CLMN: variants seen among roughly 807,000 people sequenced by gnomAD.
The protein encoded by CLMN is calmin (calponin-like, transmembrane).
A neutral mutation model predicts 92.7 loss-of-function variants in CLMN; 57 were observed. That is an observed-to-expected ratio of 0.61 (90% CI 0.50 to 0.77). The LOEUF is 0.77. Ranked by LOEUF, CLMN falls within the 30% of genes least tolerant of loss-of-function variation. The probability of loss-of-function intolerance (pLI) is 0.00; values close to 1 mark genes in which losing one functional copy is unlikely to be tolerated. For missense variants in CLMN, 1,158 were observed against 1,237.5 expected (o/e 0.94, Z 0.96); for synonymous variants, 466 against 470.6 (o/e 0.99, Z 0.13).
chr14:95,252,000 A>C (rs1308959639), intron 1 of CLMN, among the ~76,000 whole-genome samples: 1 of 152,124 alleles, frequency 6.6e-6, no homozygotes, highest in African/African-American at 2.4e-5. Context: ...CTTGATTGAA[A>C]AATAACTTCC....
At chr14:95,209,282 C>T (rs1211059061) in intron 8 of CLMN, 113 bp downstream of exon 8, 8 of 903,580 alleles carry the variant, frequency 8.9e-6, no homozygotes, top group East Asian at 2.5e-5. Context: ...GAGCAACTGG[C>T]GATTTTGACT....
chr14:95,275,891 G>A (rs1434805405), intron 1 of CLMN, among the ~76,000 whole-genome samples: 2 of 151,876 alleles, frequency 1.3e-5, no homozygotes, highest in African/African-American at 2.4e-5. Context: ...TCGAGCACCT[G>A]AGCTCAAGTG....
chr14:95,245,220 ATATATTATATATATATAT>A lies in CLMN; in HGVS notation c.83-15105_83-15088del, dbSNP rs1566891065. Among the ~76,000 whole-genome samples, 90 of 30,312 alleles carry A rather than the reference ATATATTATATATATATAT, an allele frequency of 3.0e-3. 7 individuals are homozygous for A. The highest frequency in any genetic ancestry group is 8.5e-3 in the African/African-American group (40 of 4,694). 19.9% of individuals were successfully genotyped at this position (30,312 alleles called of 152,430 possible). On this transcript the variant is annotated intron_variant, in intron 1 of 12. Transcript: ENST00000298912. ...ATATATATATATATTATATATATATATATATTATATATATATATTATATATATATATATAATATATATA... is the reference window on the plus strand; with the variant it reads ...ATATATATATATATTATATATATATATATATATATATATATAATATATATA...
Position 95,240,288 on chromosome 14 carries a change from T to A in CLMN, c.83-10155A>T, listed in dbSNP as rs550311627. Among the ~76,000 whole-genome samples, 13 of 152,302 alleles carry A rather than the reference T, an allele frequency of 8.5e-5. No homozygotes were observed. In the South Asian group the frequency reaches 2.7e-3, roughly 32 times the overall value. On this transcript the variant is annotated intron_variant, in intron 1 of 12. Coordinates refer to ENST00000298912, the MANE Select transcript of CLMN (RefSeq NM_024734.4). ...GTGCTTACCAAACCCTACTTCCTTC[T>A]CCTTTCTGGCACACAGCGGTGCTAC...
chr14:95,202,766 C>T lies in CLMN; in HGVS notation c.2511+72G>A, dbSNP rs556297593. 14 of 1,437,036 alleles carry T rather than the reference C, an allele frequency of 9.7e-6. No individual in the cohort carries two copies. The East Asian group carries it at 3.3e-4, about 34-fold the overall frequency. 89.0% of individuals were successfully genotyped at this position (1,437,036 alleles called of 1,614,324 possible). A position where few individuals can be genotyped will look rare whatever the true frequency, so the allele number is the denominator to read the frequency against. ...CATCGCTATTTTATGGAGCAAGAAG[C>T]TGAGCTTCAGACAAAGAACTATCAA... On this transcript the variant is annotated intron_variant, in intron 9 of 12. Coordinates refer to ENST00000298912, the MANE Select transcript of CLMN (RefSeq NM_024734.4).
chr14:95,221,722 G>C lies in CLMN; in HGVS notation c.293C>G (p.Ala98Gly). ...ATCTTCCAAAAACTTAAGTGCTTTC[G>C]CTATGTTGTTCAACCGAAAAATACG... ...SHRIFRLNNI[A>G]KALKFLEDSN... is the part of the protein sequence containing the mutation. The change falls in exon 4 of 13, where the codon GCG becomes GGG. Residue 98 changes from alanine to glycine, a missense_variant. Ala to Gly is a moderately conservative substitution (Grantham distance 60). Coordinates refer to ENST00000298912, the MANE Select transcript of CLMN (RefSeq NM_024734.4). 1 of 1,614,062 alleles carries C rather than the reference G, an allele frequency of 6.2e-7. No homozygotes were observed. Among genetic ancestry groups the C allele is most frequent in the Non-Finnish European group, 8.5e-7 (1 of 1,179,968 alleles).
chr14:95,312,264 C>T (rs1014909483), intron 1 of CLMN, among the ~76,000 whole-genome samples: 3 of 152,164 alleles, frequency 2.0e-5, no homozygotes, highest in Non-Finnish European at 4.4e-5. Context: ...CATTCACCCA[C>T]CCCTCCATCC....
In CLMN at chr14:95,203,169, A is replaced by G. The variant is rs1299503827; in HGVS notation, c.2180T>C (p.Phe727Ser). Residue 727 changes from phenylalanine to serine, a missense_variant, in exon 9 of 13, where the codon TTC becomes TCC. Transcript: ENST00000298912. ...SKVSVIPHDL[F>S]YFPHYEVPLA... Reference sequence around the variant, plus strand: ...GGGAACCTCATAGTGTGGGAAATAGAAGAGGTCGTGGGGAATGACGGAAAC... The same window carrying G: ...GGGAACCTCATAGTGTGGGAAATAGGAGAGGTCGTGGGGAATGACGGAAAC... 1.2e-6 allele frequency: 2 copies of G among 1,612,706 alleles called. No homozygotes were observed. Among genetic ancestry groups the G allele is most frequent in the African/African-American group, 2.7e-5 (2 of 74,904 alleles).
At chr14:95,269,129 A>G (rs981199841) in intron 1 of CLMN, among the ~76,000 whole-genome samples, 1 of 152,164 alleles carries the variant, frequency 6.6e-6, no homozygotes, top group Non-Finnish European at 1.5e-5. Context: ...TAAATCAACA[A>G]TAATCTCAAA....
Position 95,193,852 on chromosome 14 carries a change from G to A in CLMN, c.2837C>T (p.Thr946Ile), listed in dbSNP as rs1352227383. Residue 946 changes from threonine (T) to isoleucine (I), a missense_variant, in exon 12 of 13, where the codon ACC becomes ATC. Physicochemically the swap from Thr to Ile is moderately conservative, Grantham distance 89 (BLOSUM62 -1). Transcript: ENST00000298912. ...DLDDRRNRIL[T>I]RKANSSGEAM... is the part of the protein sequence containing the mutation. ...AACCTGAAGTAAAGCCACCAACCTG[G>A]TTAATATTCGGTTTCTTCTGTCATC... 1 of 1,613,790 alleles carries A rather than the reference G, an allele frequency of 6.2e-7. No homozygotes were observed. The highest frequency in any genetic ancestry group is 1.1e-5 in the South Asian group (1 of 90,994).
At chr14:95,248,589 T>C (rs1898662942) in intron 1 of CLMN, among the ~76,000 whole-genome samples, 1 of 152,230 alleles carries the variant, frequency 6.6e-6, no homozygotes, top group African/African-American at 2.4e-5. Flanking sequence ...TTAGCAGAAG[T>C]ATTCCAAGTC....
In CLMN at chr14:95,259,245, C is replaced by A. The variant is rs1051270332; in HGVS notation, c.83-29112G>T. On this transcript the variant is annotated intron_variant, in intron 1 of 12. Coordinates refer to ENST00000298912, the MANE Select transcript of CLMN (RefSeq NM_024734.4). This position sits in a 1 kb window ranked among gnomAD's most constrained non-coding sequence, Gnocchi z 4.3. The stretch of plus-strand genomic sequence containing the variant: ...GGCCTCCTAGTGTCAGAGGTATAGA[C>A]AACCACTGCTCTTCCCCAATGTCAG... Among the ~76,000 whole-genome samples the A allele has an allele frequency of 1.3e-5, 2 of 152,012 alleles. No homozygotes were observed. The highest frequency in any genetic ancestry group is 4.1e-4 in the South Asian group (2 of 4,832).
At chr14:95,239,661 A>G (rs140961037) in intron 1 of CLMN, among the ~76,000 whole-genome samples, 2 of 152,332 alleles carry the variant, frequency 1.3e-5, no homozygotes, top group African/African-American at 4.8e-5. Context: ...TTTGGAACAT[A>G]TTACACAGTC....
intron 1 of CLMN, among the ~76,000 whole-genome samples, chr14:95,237,801 T>C (rs938489683): frequency 6.6e-6 from 1 of 152,198 alleles, no homozygotes; most frequent in Non-Finnish European, 1.5e-5. Context: ...CGAGATGCTT[T>C]ACATGCACTT....
rs1242710354 is a variant in CLMN at position 95,184,205 on chromosome 14, A to G, written c.*7359T>C. On this transcript the variant is annotated 3_prime_UTR_variant, in exon 13 of 13. Coordinates refer to ENST00000298912, the MANE Select transcript of CLMN (RefSeq NM_024734.4). ...CAGAAGCTCAGAAGTTAGTTTGCCA[A>G]GATCACCCAGAGATCTGGTGACAGA... The G allele has an allele frequency of 6.6e-6, 1 of 152,262 alleles. No homozygotes were observed. The highest frequency in any genetic ancestry group is 1.5e-5 in the Non-Finnish European group (1 of 68,052). 9.4% of individuals were successfully genotyped at this position (152,262 alleles called of 1,614,324 possible).
chr14:95,244,667 A>G (rs1898390218), intron 1 of CLMN, among the ~76,000 whole-genome samples: 4 of 152,204 alleles, frequency 2.6e-5, no homozygotes, highest in Admixed American at 2.6e-4. Context: ...TCTTCCCTCT[A>G]TATATGCTAT....
intron 8 of CLMN, among the ~76,000 whole-genome samples, chr14:95,205,942 C>T (rs1339851496): frequency 3.3e-5 from 5 of 152,022 alleles, no homozygotes; most frequent in African/African-American, 7.2e-5. Flanking sequence ...AAAACAATAA[C>T]CAAGATGGTA....
chr14:95,251,151 G>A (rs532969898), intron 1 of CLMN, among the ~76,000 whole-genome samples: 1 of 151,990 alleles, frequency 6.6e-6, no homozygotes, highest in Non-Finnish European at 1.5e-5. Flanking sequence ...GTGTGTAATG[G>A]GGGGTGGGTG....
intron 4 of CLMN, 78 bp from the exon 5 acceptor site, chr14:95,215,811 C>T: frequency 1.1e-6 from 1 of 903,116 alleles, no homozygotes. Context: ...TTCTCTCTCT[C>T]TCTCTGTGTG....
Sources: gnomAD v4.1 joint callset for allele counts (sites outside exome capture counted in the v4.1 genomes callset) on GRCh38, gnomAD v4.1.1 for gene constraint, Gnocchi (gnomAD v3.1) non-coding constraint, MANE v1.5 for transcripts, NCBI Gene and HGNC (gene_info 2026-07-23, HGNC 2026-07-21) for gene names.